NFIB: variants seen among roughly 807,000 people sequenced by gnomAD.
The protein encoded by NFIB is nuclear factor I B, also known as nuclear factor 1 B-type.
NFIB carries 11 observed loss-of-function variants against 61.5 expected under a neutral mutation model. The observed-to-expected ratio is 0.18, with a 90% CI of 0.11 to 0.30. The LOEUF (loss-of-function observed/expected upper bound fraction) is 0.30. Ranked by LOEUF, NFIB falls within the 10% of genes least tolerant of loss-of-function variation. The pLI is 1.00. For missense variants in NFIB, 471 were observed against 608.9 expected (o/e 0.77, Z 2.38); for synonymous variants, 260 against 216.5 (o/e 1.20, Z -1.76).
At chr9:14,259,260 G>T (rs979221369) in intron 2 of NFIB, among the ~76,000 whole-genome samples, 3 of 152,208 alleles carry the variant, frequency 2.0e-5, no homozygotes, top group Non-Finnish European at 4.4e-5. Flanking sequence ...AAGAGAAAGT[G>T]AAAAGGCCTA....
At chr9:14,346,753 C>T (rs1333125783) in intron 1 of NFIB, among the ~76,000 whole-genome samples, 1 of 152,132 alleles carries the variant, frequency 6.6e-6, no homozygotes, top group Non-Finnish European at 1.5e-5. Flanking sequence ...GGTCACCTGG[C>T]GGTGCGCAAG....
chr9:14,271,783 T>C (rs529805604), intron 2 of NFIB, among the ~76,000 whole-genome samples: 1 of 152,264 alleles, frequency 6.6e-6, no homozygotes, highest in South Asian at 2.1e-4. Context: ...ACTAAAACTC[T>C]ATACAAAGCC....
intron 2 of NFIB, among the ~76,000 whole-genome samples, chr9:14,290,264 T>C (rs1238517486): frequency 6.6e-6 from 1 of 152,100 alleles, no homozygotes; most frequent in South Asian, 2.1e-4. Flanking sequence ...TTTAAATTTT[T>C]GCCATATACC....
At chr9:14,265,197 C>G (rs952428225) in intron 2 of NFIB, among the ~76,000 whole-genome samples, 1 of 152,204 alleles carries the variant, frequency 6.6e-6, no homozygotes, top group Non-Finnish European at 1.5e-5. Context: ...CTATTTGCAA[C>G]TAGGACTATC....
intron 1 of NFIB, among the ~76,000 whole-genome samples, chr9:14,330,084 G>A (rs1470584281): frequency 2.0e-5 from 3 of 151,900 alleles, no homozygotes; most frequent in East Asian, 2.0e-4. Flanking sequence ...CCAAGATCGC[G>A]CCACTGCACT....
chr9:14,227,098 G>A (rs188250163), intron 2 of NFIB, among the ~76,000 whole-genome samples: 3 of 145,624 alleles, frequency 2.1e-5, no homozygotes, highest in Non-Finnish European at 4.5e-5. Context: ...CCGAGATCAC[G>A]CCATTGCACT....
rs1418339304 is a variant in NFIB, at chr9:14,314,122, G to C, written c.-611C>G. ...GCGAGCCGACCATGTGTGTGCGCGAGGGGCAGCGTGAGCGAGTGCGCGCGG... is the reference window on the plus strand; with the variant it reads ...GCGAGCCGACCATGTGTGTGCGCGACGGGCAGCGTGAGCGAGTGCGCGCGG... On this transcript the variant is annotated 5_prime_UTR_variant, in exon 1 of 11. Coordinates refer to ENST00000380953, the MANE Select transcript of NFIB (RefSeq NM_001190737.2). 6.8e-6 allele frequency: 7 copies of C among 1,035,078 alleles called. No homozygotes were observed. Among genetic ancestry groups the C allele is most frequent in the Non-Finnish European group, 8.1e-6 (7 of 861,170 alleles). 64.1% of individuals were successfully genotyped at this position (1,035,078 alleles called of 1,614,324 possible).
At chr9:14,481,840 C>G in the NFIB span, among the ~76,000 whole-genome samples, 1 of 152,090 alleles carries the variant, frequency 6.6e-6, no homozygotes, top group Non-Finnish European at 1.5e-5. Flanking sequence ...TTTTTGGTCC[C>G]CAACACCAGG....
intron 1 of NFIB, among the ~76,000 whole-genome samples, chr9:14,388,444 G>A (rs1027423390): frequency 4.4e-5 from 6 of 136,180 alleles, no homozygotes; most frequent in African/African-American, 1.6e-4. Context: ...GAAAGAGAGA[G>A]GGAGAAAAAA....
chr9:14,407,918 C>A, the NFIB span, among the ~76,000 whole-genome samples: 1 of 152,054 alleles, frequency 6.6e-6, no homozygotes, highest in Non-Finnish European at 1.5e-5. Flanking sequence ...AACTCTTGGC[C>A]TCAAGTAATC....
intron 1 of NFIB, among the ~76,000 whole-genome samples, chr9:14,319,345 CAG>C (rs2060612786): frequency 6.6e-6 from 1 of 152,192 alleles, no homozygotes; most frequent in Non-Finnish European, 1.5e-5. Flanking sequence ...AGTGCATCAA[CAG>C]AGATTCCCAA....
chr9:14,336,580 G>A (rs58989765), intron 1 of NFIB, among the ~76,000 whole-genome samples: 6,456 of 152,224 alleles, frequency 0.042, 440 homozygotes, highest in African/African-American at 0.15. Context: ...CACTTCTAGA[G>A]ATATGCTCTG....
intron 2 of NFIB, among the ~76,000 whole-genome samples, chr9:14,223,795 A>G (rs1030249232): frequency 2.0e-5 from 3 of 152,208 alleles, no homozygotes; most frequent in African/African-American, 7.2e-5. Flanking sequence ...TAAGAAGGAA[A>G]TGGAAATACC....
the NFIB span, among the ~76,000 whole-genome samples, chr9:14,527,288 TATC>T: frequency 2.6e-5 from 4 of 152,322 alleles, no homozygotes; most frequent in East Asian, 5.8e-4. Context: ...TTTACTCAGA[TATC>T]ATCATCGTTG....
chr9:14,300,798 A>C, intron 2 of NFIB, among the ~76,000 whole-genome samples: 1 of 152,208 alleles, frequency 6.6e-6, no homozygotes, highest in Non-Finnish European at 1.5e-5. Context: ...CAGTGATGGC[A>C]AGAGCGCTAG....
intron 6 of NFIB, among the ~76,000 whole-genome samples, chr9:14,132,009 C>T (rs566785880): frequency 6.6e-6 from 1 of 152,244 alleles, no homozygotes; most frequent in East Asian, 1.9e-4. Context: ...ACTACTAAAG[C>T]CTACATAGAA....
upstream of NFIB, chr9:14,314,495 T>G (rs2060447584): frequency 6.6e-6 from 1 of 151,872 alleles, no homozygotes; most frequent in Non-Finnish European, 1.5e-5. Context: ...CTCTAGGCTC[T>G]TTTTTTTCCC....
At chr9:14,233,543 C>T (rs1308999041) in intron 2 of NFIB, among the ~76,000 whole-genome samples, 4 of 151,474 alleles carry the variant, frequency 2.6e-5, no homozygotes, top group African/African-American at 9.7e-5. Flanking sequence ...ATTCTCTTGC[C>T]TCAGCCTCTC....
At chr9:14,399,695 A>G (rs1019447943), upstream of NFIB, among the ~76,000 whole-genome samples, 3 of 152,204 alleles carry the variant, frequency 2.0e-5, no homozygotes, top group Non-Finnish European at 2.9e-5. Context: ...AAAAGTCAGC[A>G]TTAGGCATCT....
Sources: allele counts gnomAD v4.1 joint callset (sites outside exome capture counted in the v4.1 genomes callset), GRCh38; gene constraint gnomAD v4.1.1; transcripts MANE v1.5; gene names NCBI Gene and HGNC (gene_info 2026-07-23, HGNC 2026-07-21).